TSNAXIP1: variants seen among roughly 807,000 people sequenced by gnomAD.
TSNAXIP1 encodes translin associated factor X interacting protein 1.
A neutral mutation model predicts 84.8 loss-of-function variants in TSNAXIP1; 89 were observed. The ratio of observed to expected loss-of-function variants is 1.05; its 90% CI spans 0.88 to 1.25. The LOEUF (loss-of-function observed/expected upper bound fraction) is 1.25. Ranked by LOEUF, TSNAXIP1 falls within the 50% of genes most tolerant of loss-of-function variation. TSNAXIP1 has a pLI of 0.00. For missense variants in TSNAXIP1, 874 were observed against 887.6 expected (o/e 0.98, Z 0.20); for synonymous variants, 347 against 335.2 (o/e 1.04, Z -0.39).
chr16:67,826,063 G>A lies in TSNAXIP1; in HGVS notation c.1131G>A (p.Trp377Ter), dbSNP rs750398631. ...IQRTSTPRPD[W>*]TKCKDVVAGG... is the part of the protein sequence containing the mutation. ...GCACTTCCACGCCGCGGCCTGACTG[G>A]ACCAAGTGCAAAGGTGAGGGCAGCC... The change falls in exon 9 of 16, where the codon TGG becomes TGA. Residue 377 changes from tryptophan to a stop codon, truncating the protein, a stop_gained. Transcript: ENST00000561639. LOFTEE classifies it high-confidence loss of function. 1 of 1,613,516 alleles carries A rather than the reference G, an allele frequency of 6.2e-7. No individual in the cohort carries two copies. Among genetic ancestry groups the A allele is most frequent in the Non-Finnish European group, 8.5e-7 (1 of 1,180,030 alleles).
At chr16:67,824,493 G>A (rs1054421303) in intron 5 of TSNAXIP1, 90 bp from the exon 6 acceptor site, 34 of 1,286,866 alleles carry the variant, frequency 2.6e-5, no homozygotes, top group Non-Finnish European at 3.4e-5. Flanking sequence ...GTTTGCAAGC[G>A]ACATAGCCAC....
chr16:67,807,324 A>G (rs1480908589), intron 1 of TSNAXIP1, 128 bp downstream of exon 1: 6 of 1,534,178 alleles, frequency 3.9e-6, no homozygotes, highest in South Asian at 2.4e-5. Flanking sequence ...CCAGCACCAC[A>G]GAGTCAATGG....
chr16:67,823,358 C>T (rs1181349689), intron 4 of TSNAXIP1, among the ~76,000 whole-genome samples: 6 of 152,024 alleles, frequency 3.9e-5, no homozygotes, highest in Non-Finnish European at 7.4e-5. Context: ...TCCAGGCCAA[C>T]ATGGTGAAAC....
At chr16:67,823,846 G>A (rs1429735747) in intron 5 of TSNAXIP1, 127 bp downstream of exon 5, 2 of 693,334 alleles carry the variant, frequency 2.9e-6, no homozygotes, top group South Asian at 1.7e-5. Context: ...GTGAAACCCT[G>A]TCTCTAGTAA....
rs759753268 is a variant in TSNAXIP1, at chr16:67,821,079, T to C, written c.261-20T>C. On this transcript the variant is annotated intron_variant, in intron 3 of 15. Coordinates refer to ENST00000561639, the MANE Select transcript of TSNAXIP1 (RefSeq NM_001288990.3). The stretch of plus-strand genomic sequence containing the variant: ...GCCCCGTGGGGGTGCTGGCCACATA[T>C]CAGCCACTGTCCCCTGCAGGAGCTG... The C allele has an allele frequency of 1.5e-5, 24 of 1,612,882 alleles. No homozygotes were observed. The East Asian group carries it at 5.3e-4, about 36-fold the overall frequency.
chr16:67,812,797 G>T (rs2056209560), intron 1 of TSNAXIP1, among the ~76,000 whole-genome samples: 1 of 151,928 alleles, frequency 6.6e-6, no homozygotes, highest in Non-Finnish European at 1.5e-5. Context: ...TAAAAATAGA[G>T]GCAAAGTCTC....
intron 1 of TSNAXIP1, among the ~76,000 whole-genome samples, chr16:67,809,152 A>G (rs921081277): frequency 7.0e-6 from 1 of 143,420 alleles, no homozygotes; most frequent in Non-Finnish European, 1.5e-5. Context: ...AGCCTGGGCA[A>G]CAAAGCAAGA....
intron 7 of TSNAXIP1, 151 bp from the exon 8 acceptor site, chr16:67,825,516 T>C: frequency 1.6e-6 from 2 of 1,234,576 alleles, no homozygotes; most frequent in Non-Finnish European, 2.2e-6. Flanking sequence ...TGGTACTCAG[T>C]TTCCTGGGCT....
At chr16:67,807,708 C>A (rs2055588961) in intron 1 of TSNAXIP1, 1 of 233,110 alleles carries the variant, frequency 4.3e-6, no homozygotes, top group Admixed American at 5.2e-5. Flanking sequence ...GTTTCGAACT[C>A]CTAGACTCAA....
At chr16:67,811,737 G>T (rs966818757) in intron 1 of TSNAXIP1, among the ~76,000 whole-genome samples, 2 of 151,950 alleles carry the variant, frequency 1.3e-5, no homozygotes, top group African/African-American at 4.8e-5. Flanking sequence ...CCACTGCACG[G>T]CGAATAATAT....
At chr16:67,815,243 C>T (rs568874782) in intron 2 of TSNAXIP1, among the ~76,000 whole-genome samples, 6 of 134,504 alleles carry the variant, frequency 4.5e-5, no homozygotes, top group African/African-American at 8.5e-5. Context: ...TAACCTGGGA[C>T]GTGGAGGTTG....
chr16:67,822,981 G>A (rs1042769153), intron 4 of TSNAXIP1, among the ~76,000 whole-genome samples: 4 of 152,194 alleles, frequency 2.6e-5, no homozygotes, highest in Non-Finnish European at 5.9e-5. Context: ...CTAAGATGGG[G>A]AGAGGTTACA....
intron 4 of TSNAXIP1, among the ~76,000 whole-genome samples, chr16:67,822,484 G>A (rs2057140068): frequency 6.6e-6 from 1 of 151,876 alleles, no homozygotes; most frequent in African/African-American, 2.4e-5. Context: ...TGGGCAAGCA[G>A]GGGTCACACC....
rs772674882 is a variant in TSNAXIP1, at chr16:67,821,133, C to T, written c.295C>T (p.Pro99Ser). ...GCAGCACCCCTTTCGCACTGCCAAG[C>T]CCCAGTACTTGGAGGAACTGGAAAA... is the stretch of plus-strand genomic sequence containing the variant. ...CQQHPFRTAKPQYLEELENYL... is the reference protein window; with the variant it reads ...CQQHPFRTAKSQYLEELENYL... The change falls in exon 4 of 16, where the codon CCC becomes TCC. Residue 99 changes from proline (P) to serine (S), a missense_variant. Transcript: ENST00000561639. The T allele has an allele frequency of 6.2e-7, 1 of 1,612,932 alleles. No homozygotes were observed. Among genetic ancestry groups the T allele is most frequent in the Non-Finnish European group, 8.5e-7 (1 of 1,179,578 alleles).
At chr16:67,814,492 A>C in intron 2 of TSNAXIP1, 91 bp downstream of exon 2, 1 of 1,036,382 alleles carries the variant, frequency 9.6e-7, no homozygotes, top group East Asian at 2.6e-5. Context: ...CACCCACCTG[A>C]AACATGCCCA....
In TSNAXIP1 at chr16:67,827,815, A is replaced by G; in HGVS notation, c.1961A>G (p.Asp654Gly). 1 of 1,614,104 alleles carries G rather than the reference A, an allele frequency of 6.2e-7. No individual in the cohort carries two copies. Among genetic ancestry groups the G allele is most frequent in the East Asian group, 2.2e-5 (1 of 44,868 alleles). ...CTGATGACCATCGACCCCAGCCTGG[A>G]CAAGCAGACAGTGAACACCTACATG... Reference protein sequence around the residue: ...GGLMTIDPSLDKQTVNTYMSQ... With the variant: ...GGLMTIDPSLGKQTVNTYMSQ... Residue 654 changes from aspartate (D) to glycine (G), a missense_variant, in exon 16 of 16, where the codon GAC (aspartate) becomes GGC (glycine). By Grantham distance (94) the Asp-to-Gly change is moderately conservative (BLOSUM62 -1). Transcript: ENST00000561639.
At position 67,821,145 on chromosome 16, in the gene TSNAXIP1, G is replaced by A; in HGVS notation, c.307G>A (p.Glu103Lys). The A allele has an allele frequency of 6.2e-7, 1 of 1,612,248 alleles. No homozygotes were observed. Among genetic ancestry groups the A allele is most frequent in the Non-Finnish European group, 8.5e-7 (1 of 1,179,218 alleles). The change falls in exon 4 of 16, where the codon GAG (glutamate) becomes AAG (lysine). Residue 103 changes from glutamate (E) to lysine (K), a missense_variant. Glu to Lys is a moderately conservative substitution (Grantham distance 56). Coordinates refer to ENST00000561639, the MANE Select transcript of TSNAXIP1 (RefSeq NM_001288990.3). Reference sequence around the variant, plus strand: ...TCGCACTGCCAAGCCCCAGTACTTGGAGGAACTGGAAAACTACCTACGCAA... The same window carrying A: ...TCGCACTGCCAAGCCCCAGTACTTGAAGGAACTGGAAAACTACCTACGCAA... ...PFRTAKPQYL[E>K]ELENYLRKEL...
intron 1 of TSNAXIP1, among the ~76,000 whole-genome samples, chr16:67,808,180 T>TC (rs1015747104): frequency 6.8e-6 from 1 of 147,146 alleles, no homozygotes; most frequent in South Asian, 2.2e-4. Flanking sequence ...GAATGTAGTG[T>TC]CCCCCCTTCT....
intron 2 of TSNAXIP1, among the ~76,000 whole-genome samples, chr16:67,814,703 C>T (rs913999470): frequency 1.2e-4 from 19 of 152,284 alleles, no homozygotes; most frequent in South Asian, 6.2e-4. Flanking sequence ...CATTCTGCAG[C>T]GGCCCTTACC....
Sources: gnomAD v4.1 joint callset for allele counts (sites outside exome capture counted in the v4.1 genomes callset) on GRCh38, gnomAD v4.1.1 for gene constraint, MANE v1.5 for transcripts, NCBI Gene and HGNC (gene_info 2026-07-23, HGNC 2026-07-21) for gene names.